CPB1: variants seen among roughly 807,000 people sequenced by gnomAD.
CPB1 encodes carboxypeptidase B.
CPB1 carries 53 observed loss-of-function variants against 51.4 expected under a neutral mutation model. The ratio of observed to expected loss-of-function variants is 1.03; its 90% confidence interval spans 0.83 to 1.30. The LOEUF (loss-of-function observed/expected upper bound fraction) is 1.30, where lower values mean the gene tolerates loss of function less well. Ranked by LOEUF, CPB1 falls within the 50% of genes most tolerant of loss-of-function variation. The pLI is 0.00. For synonymous variants in CPB1, 189 were observed against 186.9 expected (o/e 1.01, Z -0.09); for missense variants, 494 against 516.2 (o/e 0.96, Z 0.42).
chr3:148,859,930 C>T lies in CPB1; in HGVS notation c.1182C>T (p.Ile394=), dbSNP rs61733983. 1.2e-5 allele frequency: 20 copies of T among 1,614,146 alleles called. No individual in the cohort carries two copies. In the East Asian group the frequency reaches 4.2e-4, roughly 34 times the overall value. The change falls in exon 11 of 11, where the codon ATC becomes ATT. Residue 394 remains isoleucine, a synonymous_variant. Transcript: ENST00000282957. ...RYGFLLPESQ[I]RATCEETFLA... ...GCTTTCTCCTTCCAGAATCCCAGAT[C>T]CGGGCTACCTGCGAGGAGACCTTCC...
Position 148,857,408 on chromosome 3 carries a change from G to A in CPB1, c.982-49G>A, listed in dbSNP as rs568688116. The A allele has an allele frequency of 4.1e-4, 565 of 1,384,658 alleles. 8 individuals carry two copies. In the South Asian group the frequency reaches 6.2e-3, roughly 15 times the overall value. 85.8% of individuals were successfully genotyped at this position (1,384,658 alleles called of 1,614,324 possible). ...AAAATAATGTACAGGGCATTTGTTT[G>A]GCAGTGTGCTTTTATTTATTTCCTT... is the stretch of plus-strand genomic sequence containing the variant. On this transcript the variant is annotated intron_variant, in intron 9 of 10. Coordinates refer to ENST00000282957, the MANE Select transcript of CPB1 (RefSeq NM_001871.3).
intron 9 of CPB1, among the ~76,000 whole-genome samples, chr3:148,847,372 TAAAAA>T (rs3043983): frequency 1.0e-4 from 9 of 86,714 alleles, no homozygotes; most frequent in Non-Finnish European, 1.7e-4. Context: ...AAATCATTCT[TAAAAA>T]AAAAAAAAAA....
rs1478482138 is a variant in CPB1, at chr3:148,841,897, T to G, written c.549T>G (p.Pro183=). 1 of 1,613,926 alleles carries G rather than the reference T, an allele frequency of 6.2e-7. No individual in the cohort carries two copies. The highest frequency in any genetic ancestry group is 1.1e-5 in the South Asian group (1 of 91,056). ...TCCATGCCAGAGAGTGGATTTCTCC[T>G]GCATTCTGCCAGTGGTTTGTAAGAG... is the stretch of plus-strand genomic sequence containing the variant. ...CGFHAREWIS[P]AFCQWFVREA... Residue 183 remains proline (P), a synonymous_variant, in exon 6 of 11, where the codon CCT becomes CCG. Coordinates refer to ENST00000282957, the MANE Select transcript of CPB1 (RefSeq NM_001871.3).
intron 9 of CPB1, 108 bp downstream of exon 9, chr3:148,845,734 T>A: frequency 1.2e-6 from 1 of 837,330 alleles, no homozygotes; most frequent in Non-Finnish European, 1.8e-6. Flanking sequence ...CCTTTATTGA[T>A]TTTTTTGGTA....
intron 3 of CPB1, among the ~76,000 whole-genome samples, chr3:148,837,337 G>A (rs988102177): frequency 1.4e-4 from 21 of 152,102 alleles, no homozygotes; most frequent in African/African-American, 3.1e-4. Flanking sequence ...AACAGTGGGC[G>A]CAAAGTCCAG....
chr3:148,840,661 G>A, intron 3 of CPB1, 25 bp from the exon 4 acceptor site: 2 of 1,606,278 alleles, frequency 1.2e-6, no homozygotes, highest in Non-Finnish European at 1.7e-6. Context: ...ATGTTCATAG[G>A]AACACCCACT....
At chr3:148,837,480 GAAAAAAAA>G (rs35691600) in intron 3 of CPB1, among the ~76,000 whole-genome samples, 2 of 95,678 alleles carry the variant, frequency 2.1e-5, no homozygotes, top group Non-Finnish European at 4.3e-5. Flanking sequence ...TTGTGTGTTA[GAAAAAAAA>G]AAAAAAAAAG....
At chr3:148,835,040 G>GATA (rs934798677) in intron 3 of CPB1, among the ~76,000 whole-genome samples, 4 of 152,166 alleles carry the variant, frequency 2.6e-5, no homozygotes, top group African/African-American at 9.7e-5. Context: ...TTAGCAGAAG[G>GATA]ATAAGTCTAG....
At chr3:148,856,049 G>A (rs1307309765) in intron 9 of CPB1, 3 of 152,202 alleles carry the variant, frequency 2.0e-5, no homozygotes, top group African/African-American at 7.2e-5. Context: ...TCTAAATCTA[G>A]TGTCTTCGTT....
At chr3:148,841,114 A>G (rs1467336135) in intron 5 of CPB1, 139 bp downstream of exon 5, 1 of 611,156 alleles carries the variant, frequency 1.6e-6, no homozygotes, top group African/African-American at 1.8e-5. Context: ...CGAGGGAACC[A>G]GATTCCCCAG....
chr3:148,859,570 G>A (rs1713689583), intron 10 of CPB1, among the ~76,000 whole-genome samples: 1 of 152,178 alleles, frequency 6.6e-6, no homozygotes, highest in African/African-American at 2.4e-5. Flanking sequence ...TTGCATTACA[G>A]ATTACGTACT....
At chr3:148,851,348 A>G (rs1303727120) in intron 9 of CPB1, 2 of 150,332 alleles carry the variant, frequency 1.3e-5, no homozygotes, top group African/African-American at 4.9e-5. Context: ...AAAAAAAAAA[A>G]AAAAAAAAGA....
chr3:148,840,594 T>C lies in CPB1; in HGVS notation c.273-92T>C. On this transcript the variant is annotated intron_variant, in intron 3 of 10. Coordinates refer to ENST00000282957, the MANE Select transcript of CPB1 (RefSeq NM_001871.3). ...AATTTATGGAGAGTGCAATGTGCCA[T>C]CTACTAAAGCAGTGGCTCTGGGGTT... 3 of 1,022,950 alleles carry C rather than the reference T, an allele frequency of 2.9e-6. No homozygotes were observed. In the Admixed American group the frequency reaches 5.3e-5, roughly 18 times the overall value. The allele number at this position is 1,022,950 out of a possible 1,614,324, so 63.4% of individuals were successfully genotyped here. A position where few individuals can be genotyped will look rare whatever the true frequency, so the allele number is the denominator to read the frequency against.
intron 2 of CPB1, among the ~76,000 whole-genome samples, chr3:148,834,005 C>T (rs898240775): frequency 5.9e-5 from 9 of 152,162 alleles, no homozygotes; most frequent in African/African-American, 2.2e-4. Context: ...GATGTATCCA[C>T]CACAGGTCAG....
rs774668363 is a variant in CPB1, at chr3:148,845,446, C to T, written c.801C>T (p.Pro267=). 4 of 1,613,728 alleles carry T rather than the reference C, an allele frequency of 2.5e-6. No individual in the cohort carries two copies. Among genetic ancestry groups the T allele is most frequent in the Non-Finnish European group, 3.4e-6 (4 of 1,179,834 alleles). Reference sequence around the variant, plus strand: ...CAGAAATTGGAGCCTCTCGAAACCCCTGTGATGAAACTTACTGTGGACCTG... The same window carrying T: ...CAGAAATTGGAGCCTCTCGAAACCCTTGTGATGAAACTTACTGTGGACCTG... The part of the protein sequence containing the change: ...GWCEIGASRN[P]CDETYCGPAA... Residue 267 remains proline, a synonymous_variant, in exon 9 of 11, where the codon CCC becomes CCT. Transcript: ENST00000282957.
At chr3:148,832,271 C>G (rs1042837688) in intron 2 of CPB1, among the ~76,000 whole-genome samples, 8 of 152,028 alleles carry the variant, frequency 5.3e-5, no homozygotes, top group Non-Finnish European at 8.8e-5. Flanking sequence ...GAGGAGGATA[C>G]AGATGACAAT....
Position 148,851,354 on chromosome 3 carries a change from AAAG to A in CPB1, c.981+5731_981+5733del, listed in dbSNP as rs1402970613. The stretch of plus-strand genomic sequence containing the variant: ...TGTCTCAAAAAAAAAAAAAAAAAAA[AAAG>A]AAAGAGAAAGAGAGAAAAAAAGAAA... On this transcript the variant is annotated intron_variant, in intron 9 of 10. Transcript: ENST00000282957. 14 of 138,770 alleles carry A rather than the reference AAAG, an allele frequency of 1.0e-4. No individual in the cohort carries two copies. The East Asian group carries it at 1.3e-3, about 13-fold the overall frequency. The allele number at this position is 138,770 out of a possible 1,614,324, so 8.6% of individuals were successfully genotyped here.
At chr3:148,848,534 AT>A (rs200960123) in intron 9 of CPB1, among the ~76,000 whole-genome samples, 4,648 of 152,234 alleles carry the variant, frequency 0.031, 96 homozygotes, top group Non-Finnish European at 0.041. Flanking sequence ...TAGCAAAAAA[AT>A]ATATATGTTT....
At chr3:148,842,643 C>T (rs551327466) in intron 6 of CPB1, among the ~76,000 whole-genome samples, 1 of 152,074 alleles carries the variant, frequency 6.6e-6, no homozygotes, top group Non-Finnish European at 1.5e-5. Context: ...AACATCACAG[C>T]AATAATCATG....
Sources: gnomAD v4.1 joint callset for allele counts (sites outside exome capture counted in the v4.1 genomes callset) on GRCh38, gnomAD v4.1.1 for gene constraint, MANE v1.5 for transcripts, NCBI Gene and HGNC (gene_info 2026-07-23, HGNC 2026-07-21) for gene names.